XRN1: variants seen among roughly 807,000 people sequenced by gnomAD.
XRN1 encodes 5'-3' exoribonuclease 1.
In XRN1, 67 loss-of-function variants were observed where a neutral mutation model predicts 222.3. The observed-to-expected ratio is 0.30, with a 90% CI of 0.25 to 0.37. The LOEUF is 0.37. Ranked by LOEUF, XRN1 falls within the 10% of genes least tolerant of loss-of-function variation. The pLI, the probability that XRN1 is intolerant of heterozygous loss-of-function variation, is 1.00. For synonymous variants in XRN1, 643 were observed against 652.4 expected (o/e 0.99, Z 0.22); for missense variants, 1,707 against 2,000.2 (o/e 0.85, Z 2.80).
chr3:142,428,730 C>T (rs187711405), intron 2 of XRN1, among the ~76,000 whole-genome samples: 98 of 152,206 alleles, frequency 6.4e-4, no homozygotes, highest in African/African-American at 2.3e-3. Flanking sequence ...AAATAGGAAA[C>T]ACAGAAGGCA....
At chr3:142,316,351 G>C (rs370302217) in intron 39 of XRN1, among the ~76,000 whole-genome samples, 1 of 151,532 alleles carries the variant, frequency 6.6e-6, no homozygotes, top group East Asian at 1.9e-4. Flanking sequence ...CAAGTAGCTG[G>C]GACTATAGGT....
intron 29 of XRN1, among the ~76,000 whole-genome samples, chr3:142,362,349 G>A (rs1372880517): frequency 6.6e-6 from 1 of 152,012 alleles, no homozygotes; most frequent in African/African-American, 2.4e-5. Flanking sequence ...TATTGGCCAG[G>A]CTAATCTCAA....
intron 37 of XRN1, among the ~76,000 whole-genome samples, chr3:142,326,323 T>A (rs779490988): frequency 1.3e-5 from 2 of 152,146 alleles, no homozygotes; most frequent in African/African-American, 4.8e-5. Flanking sequence ...CTTCAATTTC[T>A]TGCATCATTG....
At chr3:142,341,624 T>C (rs534547446) in intron 33 of XRN1, among the ~76,000 whole-genome samples, 7 of 151,962 alleles carry the variant, frequency 4.6e-5, no homozygotes, top group East Asian at 1.9e-4. Flanking sequence ...TCAAAAGACA[T>C]AGAGTGGCTG....
chr3:142,420,985 A>G (rs1445174404), intron 10 of XRN1, 31 bp downstream of exon 10: 2 of 1,611,750 alleles, frequency 1.2e-6, no homozygotes, highest in African/African-American at 2.7e-5. Context: ...TACAGTTAAA[A>G]CAATGAAAGG....
intron 34 of XRN1, among the ~76,000 whole-genome samples, chr3:142,334,352 T>A (rs1443742842): frequency 6.6e-6 from 1 of 151,930 alleles, no homozygotes; most frequent in Non-Finnish European, 1.5e-5. Context: ...TTTTATAAAT[T>A]TAATATATTA....
At chr3:142,371,436 G>T (rs2066989740) in intron 25 of XRN1, 108 bp from the exon 26 acceptor site, 3 of 771,042 alleles carry the variant, frequency 3.9e-6, no homozygotes, top group Non-Finnish European at 6.2e-6. Flanking sequence ...GCTTATTGAG[G>T]ACTACTATAA....
At chr3:142,388,060 A>G (rs1358080873) in intron 20 of XRN1, among the ~76,000 whole-genome samples, 1 of 152,180 alleles carries the variant, frequency 6.6e-6, no homozygotes, top group Admixed American at 6.6e-5. Flanking sequence ...TAAATTACCC[A>G]GCCTCAGACT....
intron 26 of XRN1, among the ~76,000 whole-genome samples, chr3:142,370,908 G>GT (rs1268820416): frequency 1.3e-5 from 2 of 151,684 alleles, no homozygotes; most frequent in African/African-American, 4.8e-5. Flanking sequence ...ACAAAAAGAA[G>GT]TAACAAGACA....
chr3:142,387,082 C>T (rs1268398731), intron 20 of XRN1, among the ~76,000 whole-genome samples: 1 of 152,114 alleles, frequency 6.6e-6, no homozygotes, highest in Non-Finnish European at 1.5e-5. Flanking sequence ...TATCCATCCA[C>T]TGTAGAATGG....
chr3:142,322,652 G>A (rs1454692630), intron 37 of XRN1, among the ~76,000 whole-genome samples: 1 of 151,942 alleles, frequency 6.6e-6, no homozygotes, highest in Admixed American at 6.6e-5. Flanking sequence ...TCTAGCCTGG[G>A]CGAACAGAGC....
At chr3:142,388,342 A>C (rs1320406069) in intron 20 of XRN1, among the ~76,000 whole-genome samples, 1 of 152,198 alleles carries the variant, frequency 6.6e-6, no homozygotes, top group Admixed American at 6.5e-5. Context: ...ACACTATATA[A>C]TACATATACA....
chr3:142,401,514 A>G (rs1559851515), intron 18 of XRN1, among the ~76,000 whole-genome samples: 1 of 152,110 alleles, frequency 6.6e-6, no homozygotes, highest in African/African-American at 2.4e-5. Flanking sequence ...GAAGTTCAAG[A>G]CCAGCCTGGC....
intron 2 of XRN1, among the ~76,000 whole-genome samples, chr3:142,428,370 G>A (rs1169167094): frequency 7.1e-6 from 1 of 140,898 alleles, no homozygotes; most frequent in Admixed American, 7.3e-5. Flanking sequence ...ACTCCAGCTT[G>A]GGCGAGACAG....
rs1379092545 is a variant in XRN1, at chr3:142,418,605, A to G, written c.1245T>C (p.Asn415=). 2 of 1,588,124 alleles carry G rather than the reference A, an allele frequency of 1.3e-6. No homozygotes were observed. The highest frequency in any genetic ancestry group is 4.5e-5 in the East Asian group (2 of 44,634). ...CATCATCTTCAGTCTCATCTTCTAA[A>G]TTATCTGGGGAAAAAAGTCAGAAAG... is the stretch of plus-strand genomic sequence containing the variant. ...NEGEMITSKD[N]LEDETEDDDL... is the part of the protein sequence containing the mutation. Residue 415 remains asparagine, a synonymous_variant, in exon 12 of 41, where the codon AAT becomes AAC. Transcript: ENST00000392981.
intron 33 of XRN1, among the ~76,000 whole-genome samples, chr3:142,346,568 C>A (rs771087954): frequency 2.0e-5 from 3 of 151,836 alleles, no homozygotes; most frequent in East Asian, 3.9e-4. Flanking sequence ...GCAACCTCCG[C>A]CCCCCAGGCT....
chr3:142,398,795 T>A (rs905390388), intron 19 of XRN1, among the ~76,000 whole-genome samples: 1 of 151,904 alleles, frequency 6.6e-6, no homozygotes, highest in African/African-American at 2.4e-5. Context: ...AACAACAGAG[T>A]AAATCCAGAA....
chr3:142,397,151 C>G (rs559181137), intron 20 of XRN1, among the ~76,000 whole-genome samples, 178 bp downstream of exon 20: 5 of 152,200 alleles, frequency 3.3e-5, no homozygotes, highest in Admixed American at 3.3e-4. Context: ...CTGGGCAAGG[C>G]TGTAACTACT....
At chr3:142,399,855 T>C (rs2068063520) in intron 19 of XRN1, among the ~76,000 whole-genome samples, 1 of 148,522 alleles carries the variant, frequency 6.7e-6, no homozygotes, top group Non-Finnish European at 1.5e-5. Context: ...AAAAACATAA[T>C]ATCTACCCAT....
Sources: gnomAD v4.1 joint callset for allele counts (sites outside exome capture counted in the v4.1 genomes callset) on GRCh38, gnomAD v4.1.1 for gene constraint, MANE v1.5 for transcripts, NCBI Gene and HGNC (gene_info 2026-07-23, HGNC 2026-07-21) for gene names.